The following CYP24A1 variants were observed in gnomAD, a reference collection of about 807,000 sequenced individuals.
CYP24A1 encodes 1,25-dihydroxyvitamin D(3) 24-hydroxylase, mitochondrial.
A neutral mutation model predicts 62.4 loss-of-function variants in CYP24A1; 68 were observed. That is an observed-to-expected ratio of 1.09 (90% confidence interval 0.90 to 1.33). CYP24A1 has a LOEUF of 1.33. Among genes scored for constraint, CYP24A1 ranks in the 40% most tolerant of loss-of-function variants. CYP24A1 has a pLI of 0.00. For missense variants in CYP24A1, 787 were observed against 653.0 expected, an observed-to-expected ratio of 1.21 and a Z score of -2.24; for synonymous variants, 267 against 253.0, an observed-to-expected ratio of 1.06 and a Z score of -0.52.
rs2092700864 is a variant in CYP24A1, at chr20:54,173,217, C to G, written c.258+105G>C. On this transcript the variant is annotated intron_variant, in intron 1 of 11. Coordinates refer to ENST00000216862, the MANE Select transcript of CYP24A1 (RefSeq NM_000782.5). The surrounding 1 kb of genome is among the most constrained non-coding windows in gnomAD (Gnocchi z 7.2). Reference sequence around the variant, plus strand: ...CCGGGGACCCTCCCTGCCCAGACGCCGAAGCGCACCATGCGCCCGAGGCGC... The same window carrying G: ...CCGGGGACCCTCCCTGCCCAGACGCGGAAGCGCACCATGCGCCCGAGGCGC... The G allele has an allele frequency of 6.6e-7, 1 of 1,516,020 alleles. No individual in the cohort carries two copies. The highest frequency in any genetic ancestry group is 9.1e-7 in the Non-Finnish European group (1 of 1,100,706). The allele number at this position is 1,516,020 out of a possible 1,614,324, so 93.9% of individuals were successfully genotyped here. A position where few individuals can be genotyped will look rare whatever the true frequency, so the allele number is the denominator to read the frequency against.
At chr20:54,155,567 A>T (rs1182481946) in intron 11 of CYP24A1, among the ~76,000 whole-genome samples, 1 of 151,846 alleles carries the variant, frequency 6.6e-6, no homozygotes, top group Admixed American at 6.6e-5. Context: ...CCCCATCTCT[A>T]CTAAAAATAC....
At chr20:54,169,725 G>A (rs764969824) in intron 3 of CYP24A1, 37 bp from the exon 4 acceptor site, 1 of 1,612,950 alleles carries the variant, frequency 6.2e-7, no homozygotes, top group Non-Finnish European at 8.5e-7. Flanking sequence ...ACATTTTAAA[G>A]CCGTTGAAGG....
At chr20:54,168,846 T>TCTTCTTTCCTTCCTTC (rs2092683011) in intron 4 of CYP24A1, among the ~76,000 whole-genome samples, 1 of 43,436 alleles carries the variant, frequency 2.3e-5, no homozygotes, top group African/African-American at 9.3e-5. Context: ...CTCCCTCCCT[T>TCTTCTTTCCTTCCTTC]CTTCCTTCCT....
chr20:54,173,858 A>G lies in CYP24A1; in HGVS notation c.-279T>C. On this transcript the variant is annotated 5_prime_UTR_variant, in exon 1 of 12. Transcript: ENST00000216862. This position sits in a 1 kb window ranked among gnomAD's most constrained non-coding sequence, Gnocchi z 7.2. ...GCCGGTGTCTGGGGACCTCTTGAAAAGGGAAAGCTGGGAGTCCTCCTGTTG... is the reference window on the plus strand; with the variant it reads ...GCCGGTGTCTGGGGACCTCTTGAAAGGGGAAAGCTGGGAGTCCTCCTGTTG... 5.6e-6 allele frequency: 3 copies of G among 533,594 alleles called. No homozygotes were observed. Among genetic ancestry groups the G allele is most frequent in the Non-Finnish European group, 1.0e-5 (3 of 297,770 alleles). 33.1% of individuals were successfully genotyped at this position (533,594 alleles called of 1,614,324 possible).
At chr20:54,162,887 G>A (rs757714766) in intron 6 of CYP24A1, 25 bp from the exon 7 acceptor site, 26 of 1,492,590 alleles carry the variant, frequency 1.7e-5, no homozygotes, top group Admixed American at 1.0e-4. Context: ...AAGAAAGAGA[G>A]GAAGTCAGCT....
At chr20:54,152,420 CT>C, downstream of CYP24A1, among the ~76,000 whole-genome samples, 1 of 152,240 alleles carries the variant, frequency 6.6e-6, no homozygotes. Context: ...CTTCCTCATC[CT>C]GCTGTCCCCA....
chr20:54,173,373 G>T lies in CYP24A1; in HGVS notation c.207C>A (p.Ser69Arg). ...CCCCTTTCCAGAGAATCTGCAGCAG[G>T]CTGCCCAGCAGTGGCCAGCTGGTGG... is the stretch of plus-strand genomic sequence containing the variant. The part of the protein sequence containing the change: ...PGPTSWPLLG[S>R]LLQILWKGGL... Residue 69 changes from serine (S) to arginine (R), a missense_variant, in exon 1 of 12, where the codon AGC (serine) becomes AGA (arginine). Ser to Arg is a moderately radical substitution (Grantham distance 110, BLOSUM62 -1). Transcript: ENST00000216862. This position sits in a 1 kb window ranked among gnomAD's most constrained non-coding sequence, Gnocchi z 7.2. 2 of 1,600,976 alleles carry T rather than the reference G, an allele frequency of 1.2e-6. No homozygotes were observed. The highest frequency in any genetic ancestry group is 1.3e-5 in the African/African-American group (1 of 74,850).
the CYP24A1 span, among the ~76,000 whole-genome samples, chr20:54,147,700 A>G: frequency 6.6e-6 from 1 of 152,372 alleles, no homozygotes; most frequent in East Asian, 1.9e-4. Flanking sequence ...CAACAACTGT[A>G]TGAAATATGT....
chr20:54,169,550 T>C, intron 4 of CYP24A1, 42 bp downstream of exon 4: 1 of 1,613,646 alleles, frequency 6.2e-7, no homozygotes, highest in Non-Finnish European at 8.5e-7. Flanking sequence ...ATCCGCAAAA[T>C]CACCTGCAAA....
chr20:54,145,288 A>T, the CYP24A1 span, among the ~76,000 whole-genome samples: 2 of 112,672 alleles, frequency 1.8e-5, no homozygotes, highest in Middle Eastern at 5.3e-3. Context: ...TCTAAGTTAA[A>T]AAAAAAAAAA....
chr20:54,151,252 G>A (rs558521787), downstream of CYP24A1, among the ~76,000 whole-genome samples: 1 of 152,256 alleles, frequency 6.6e-6, no homozygotes, highest in African/African-American at 2.4e-5. Flanking sequence ...GGAACTTCCT[G>A]ATGTTGCCAT....
At chr20:54,152,320 A>G (rs2092613867), downstream of CYP24A1, among the ~76,000 whole-genome samples, 2 of 152,190 alleles carry the variant, frequency 1.3e-5, no homozygotes, top group South Asian at 4.1e-4. Context: ...AGGAGAACAA[A>G]CTGAGCTGCA....
intron 2 of CYP24A1, chr20:54,171,926 A>C: frequency 2.3e-6 from 2 of 853,804 alleles, no homozygotes; most frequent in Non-Finnish European, 3.3e-6. Flanking sequence ...AGTCCAGATA[A>C]TTTGGGTTCA....
At chr20:54,150,175 T>G (rs1467994275), downstream of CYP24A1, among the ~76,000 whole-genome samples, 1 of 152,182 alleles carries the variant, frequency 6.6e-6, no homozygotes, top group Non-Finnish European at 1.5e-5. Context: ...CGGTATACTT[T>G]ACAGATAATT....
Position 54,158,995 on chromosome 20 carries a change from A to G in CYP24A1, c.1119T>C (p.Asn373=). The change falls in exon 8 of 12, where the codon AAT becomes AAC. Residue 373 remains asparagine (N), a synonymous_variant. Transcript: ENST00000216862. ...TCAGACAGGCTTTTAAATACGGCAT[A>G]TTCCTCAAATCTTCTGCCCGTGGCA... ...NQVPRAEDLR[N]MPYLKACLKE... 6.2e-7 allele frequency: 1 copy of G among 1,614,196 alleles called. No homozygotes were observed. The highest frequency in any genetic ancestry group is 8.5e-7 in the Non-Finnish European group (1 of 1,180,036).
At chr20:54,148,089 G>A in the CYP24A1 span, among the ~76,000 whole-genome samples, 1 of 152,048 alleles carries the variant, frequency 6.6e-6, no homozygotes, top group Non-Finnish European at 1.5e-5. Context: ...ACCTGCTTTG[G>A]CCTCCCAAAT....
chr20:54,171,775 T>C lies in CYP24A1; in HGVS notation c.450-105A>G, dbSNP rs2259735. ...AGGAACCATAAAATCAAACAAACACTGAGAATCATGCCAAGAAATAGCCAG... is the reference window on the plus strand; with the variant it reads ...AGGAACCATAAAATCAAACAAACACCGAGAATCATGCCAAGAAATAGCCAG... On this transcript the variant is annotated intron_variant, in intron 2 of 11. Coordinates refer to ENST00000216862, the MANE Select transcript of CYP24A1 (RefSeq NM_000782.5). 0.45 allele frequency: 712,171 copies of C among 1,598,548 alleles called. 165,603 individuals carry two copies. The highest frequency in any genetic ancestry group is 0.75 in the African/African-American group (56,042 of 74,478).
At chr20:54,156,654 T>A (rs913959803) in intron 11 of CYP24A1, among the ~76,000 whole-genome samples, 1 of 152,222 alleles carries the variant, frequency 6.6e-6, no homozygotes, top group African/African-American at 2.4e-5. Context: ...AACTGTAAGA[T>A]AATAGATGTG....
intron 11 of CYP24A1, among the ~76,000 whole-genome samples, chr20:54,156,392 C>T (rs150276271): frequency 2.0e-5 from 3 of 152,274 alleles, no homozygotes; most frequent in African/African-American, 7.2e-5. Context: ...ACTCAACCAA[C>T]CATTGTTACT....
Sources: gnomAD v4.1 joint callset for allele counts (sites outside exome capture counted in the v4.1 genomes callset) on GRCh38, gnomAD v4.1.1 for gene constraint, Gnocchi (gnomAD v3.1) non-coding constraint, MANE v1.5 for transcripts, NCBI Gene and HGNC (gene_info 2026-07-23, HGNC 2026-07-21) for gene names.